The following AP4E1 variants were observed in gnomAD, a reference collection of about 807,000 sequenced individuals.
The protein encoded by AP4E1 is AP-4 complex subunit epsilon-1.
AP4E1 carries 56 observed loss-of-function variants against 128.2 expected under a neutral mutation model. The observed-to-expected ratio is 0.44, with a 90% CI of 0.35 to 0.55. AP4E1 has a LOEUF of 0.55. AP4E1 is among the 20% of genes least tolerant of loss of function. The probability of loss-of-function intolerance (pLI) is 0.00; values close to 1 mark genes in which losing one functional copy is unlikely to be tolerated. For synonymous variants in AP4E1, 484 were observed against 473.1 expected (o/e 1.02, Z -0.30); for missense variants, 1,324 against 1,307.7 (o/e 1.01, Z -0.19).
At chr15:50,913,613 AATGC>A (rs2063591494) in intron 2 of AP4E1, among the ~76,000 whole-genome samples, 1 of 152,242 alleles carries the variant, frequency 6.6e-6, no homozygotes, top group South Asian at 2.1e-4. Flanking sequence ...TCTAAAAATA[AATGC>A]ATGAGATGTA....
rs1567203045 is a variant in AP4E1, at chr15:50,908,926, C to CA, written c.149dup (p.His50GlnfsTer13). On this transcript the variant is annotated frameshift_variant and splice_region_variant, in exon 1 of 21. Coordinates refer to ENST00000261842, the MANE Select transcript of AP4E1 (RefSeq NM_007347.5). LOFTEE classifies it high-confidence loss of function. ...CGGCATCACAGCCCTCACCTCCAAG[C>CA]ACGTAGGTGCCCGCCGGCCCGGGAG... 6.2e-7 allele frequency: 1 copy of CA among 1,610,842 alleles called. No homozygotes were observed. Among genetic ancestry groups the CA allele is most frequent in the Admixed American group, 1.7e-5 (1 of 59,908 alleles).
chr15:50,931,540 T>C (rs971924932), intron 7 of AP4E1, among the ~76,000 whole-genome samples: 2 of 152,160 alleles, frequency 1.3e-5, no homozygotes, highest in African/African-American at 4.8e-5. Flanking sequence ...CACTCCAGCC[T>C]GGGTGACAAA....
At chr15:50,969,547 T>A (rs1469136427) in intron 15 of AP4E1, among the ~76,000 whole-genome samples, 1 of 152,140 alleles carries the variant, frequency 6.6e-6, no homozygotes, top group South Asian at 2.1e-4. Context: ...TACATATTCA[T>A]GGGGAATATA....
chr15:50,951,253 G>A (rs757704839), intron 13 of AP4E1, among the ~76,000 whole-genome samples: 6 of 152,220 alleles, frequency 3.9e-5, no homozygotes, highest in African/African-American at 1.4e-4. Context: ...TTTCGAGCTC[G>A]TGTGGTTGTT....
chr15:50,987,659 T>C (rs955625666), intron 16 of AP4E1, among the ~76,000 whole-genome samples: 1 of 152,248 alleles, frequency 6.6e-6, no homozygotes, highest in Non-Finnish European at 1.5e-5. Context: ...TGCACTGTGA[T>C]CTGAGAGACA....
chr15:50,986,012 G>A (rs1269807431), intron 16 of AP4E1, among the ~76,000 whole-genome samples: 1 of 152,168 alleles, frequency 6.6e-6, no homozygotes, highest in Non-Finnish European at 1.5e-5. Flanking sequence ...AGTTCTGCTT[G>A]AAGAGGTCCT....
intron 7 of AP4E1, among the ~76,000 whole-genome samples, chr15:50,933,462 C>T (rs1222029574): frequency 1.3e-5 from 2 of 152,074 alleles, no homozygotes; most frequent in Non-Finnish European, 2.9e-5. Context: ...TAAGATTTAT[C>T]TTGATCTTGT....
intron 19 of AP4E1, among the ~76,000 whole-genome samples, chr15:51,000,349 C>G (rs2064945139): frequency 6.6e-6 from 1 of 152,024 alleles, no homozygotes; most frequent in Non-Finnish European, 1.5e-5. Flanking sequence ...CCATGTTGCT[C>G]AGGCTAGTCT....
chr15:50,998,759 A>AT (rs1487046869), intron 18 of AP4E1, among the ~76,000 whole-genome samples: 2 of 152,222 alleles, frequency 1.3e-5, no homozygotes, highest in East Asian at 3.8e-4. Flanking sequence ...TTATATTTAT[A>AT]TTTAAATTCT....
intron 3 of AP4E1, 113 bp downstream of exon 3, chr15:50,915,684 A>G (rs1251149039): frequency 2.3e-6 from 3 of 1,302,312 alleles, no homozygotes; most frequent in Admixed American, 2.0e-5. Flanking sequence ...CTGTATTATA[A>G]TTTCTAAAAC....
chr15:50,988,910 A>G (rs1404741253), intron 16 of AP4E1, among the ~76,000 whole-genome samples: 1 of 152,214 alleles, frequency 6.6e-6, no homozygotes, highest in Non-Finnish European at 1.5e-5. Flanking sequence ...TTGGAGCCGA[A>G]TTTCATCCTT....
At chr15:50,917,604 A>G (rs1422925288) in intron 3 of AP4E1, among the ~76,000 whole-genome samples, 2 of 152,246 alleles carry the variant, frequency 1.3e-5, no homozygotes, top group African/African-American at 4.8e-5. Context: ...TATGAACAGA[A>G]AGTCTTCTTA....
chr15:50,923,139 A>T lies in AP4E1; in HGVS notation c.347-792A>T, dbSNP rs187732059. Among the ~76,000 whole-genome samples the T allele has an allele frequency of 3.3e-5, 5 of 152,318 alleles. No homozygotes were observed. In the East Asian group the frequency reaches 9.6e-4, roughly 29 times the overall value. ...ATTGTGTGGTTATGAGGATTAAATG[A>T]AGTAATGCTTATAAAGTACTTGACC... On this transcript the variant is annotated intron_variant, in intron 3 of 20. Transcript: ENST00000261842.
chr15:50,946,271 C>T (rs1380508512), intron 10 of AP4E1, among the ~76,000 whole-genome samples: 1 of 152,162 alleles, frequency 6.6e-6, no homozygotes, highest in African/African-American at 2.4e-5. Context: ...TCTGTATATT[C>T]TCTCTGATCT....
chr15:50,908,920 T>G lies in AP4E1; in HGVS notation c.142T>G (p.Ser48Ala). The G allele has an allele frequency of 1.2e-6, 2 of 1,610,720 alleles. No individual in the cohort carries two copies. Among genetic ancestry groups the G allele is most frequent in the Non-Finnish European group, 1.7e-6 (2 of 1,179,426 alleles). ...SLVRGITALTSKHEEEKLIQQ... is the reference protein window; with the variant it reads ...SLVRGITALTAKHEEEKLIQQ... Reference sequence around the variant, plus strand: ...TGTCCGCGGCATCACAGCCCTCACCTCCAAGCACGTAGGTGCCCGCCGGCC... The same window carrying G: ...TGTCCGCGGCATCACAGCCCTCACCGCCAAGCACGTAGGTGCCCGCCGGCC... Residue 48 changes from serine to alanine, a missense_variant, in exon 1 of 21, where the codon TCC (serine) becomes GCC (alanine). Transcript: ENST00000261842.
Position 50,941,738 on chromosome 15 carries a change from A to C in AP4E1, c.1139A>C (p.Glu380Ala). The C allele has an allele frequency of 1.9e-6, 3 of 1,612,724 alleles. No individual in the cohort carries two copies. The highest frequency in any genetic ancestry group is 2.5e-6 in the Non-Finnish European group (3 of 1,178,868). The change falls in exon 10 of 21, where the codon GAA (glutamate) becomes GCA (alanine). Residue 380 changes from glutamate (E) to alanine (A), a missense_variant. Coordinates refer to ENST00000261842, the MANE Select transcript of AP4E1 (RefSeq NM_007347.5). Reference protein sequence around the residue: ...LALQHQMTIIECLDHPDPIIK... With the variant: ...LALQHQMTIIACLDHPDPIIK... ...CTTCAACACCAGATGACAATAATTG[A>C]ATGTTTAGATCATCCTGATCCCATT...
chr15:50,961,177 A>G (rs1299757863), intron 14 of AP4E1, among the ~76,000 whole-genome samples: 3 of 152,076 alleles, frequency 2.0e-5, no homozygotes, highest in Non-Finnish European at 4.4e-5. Flanking sequence ...TGGCAAATTT[A>G]TAAAGAAGAA....
chr15:50,915,800 G>A lies in AP4E1; in HGVS notation c.346+229G>A, dbSNP rs115689615. On this transcript the variant is annotated intron_variant, in intron 3 of 20. Coordinates refer to ENST00000261842, the MANE Select transcript of AP4E1 (RefSeq NM_007347.5). ...AGAAGACTAAAGATTTCTTGCTCTT[G>A]TGATGGCGGTTAGATGACTATATAT... is the stretch of plus-strand genomic sequence containing the variant. 2,366 of 519,350 alleles carry A rather than the reference G, an allele frequency of 4.6e-3. 48 individuals are homozygous for A. The highest frequency in any genetic ancestry group is 0.042 in the African/African-American group (2,214 of 52,268). 32.2% of individuals were successfully genotyped at this position (519,350 alleles called of 1,614,324 possible). A position where few individuals can be genotyped will look rare whatever the true frequency, so the allele number is the denominator to read the frequency against.
rs570279859 is a variant in AP4E1, at chr15:50,983,895, A to G, written c.1967-127A>G. On this transcript the variant is annotated intron_variant, in intron 15 of 20. Transcript: ENST00000261842. ...GTAAGTATTTGATTAGATCATCCTC[A>G]AAGTCCTTTAGAGTTTAAAAATGGC... 3.0e-4 allele frequency: 257 copies of G among 870,288 alleles called. 2 individuals carry two copies. The East Asian group carries it at 6.8e-3, about 23-fold the overall frequency. 53.9% of individuals were successfully genotyped at this position (870,288 alleles called of 1,614,324 possible). A position where few individuals can be genotyped will look rare whatever the true frequency, so the allele number is the denominator to read the frequency against.
Sources: gnomAD v4.1 joint callset for allele counts (sites outside exome capture counted in the v4.1 genomes callset) on GRCh38, gnomAD v4.1.1 for gene constraint, MANE v1.5 for transcripts, NCBI Gene and HGNC (gene_info 2026-07-23, HGNC 2026-07-21) for gene names.